The following TENT4A variants were observed in gnomAD, a reference collection of about 807,000 sequenced individuals.
TENT4A encodes terminal nucleotidyltransferase 4A.
Under a neutral mutation model 72.8 loss-of-function variants are expected in TENT4A, and 7 were observed. The ratio of observed to expected loss-of-function variants is 0.10; its 90% CI spans 0.05 to 0.18. The LOEUF is 0.18. Among genes scored for constraint, TENT4A ranks in the 10% least tolerant of loss-of-function variants. The pLI is 1.00. For missense variants in TENT4A, 831 were observed against 1,017.7 expected (o/e 0.82, Z 2.50); for synonymous variants, 456 against 434.3 (o/e 1.05, Z -0.62).
chr5:6,754,506 T>G (rs982744673), intron 12 of TENT4A, among the ~76,000 whole-genome samples: 2 of 152,158 alleles, frequency 1.3e-5, no homozygotes, highest in African/African-American at 4.8e-5. Context: ...GTGGAACAAG[T>G]TAGAAGTGAG....
At position 6,752,990 on chromosome 5, in the gene TENT4A, C is replaced by G. The variant is rs371319991; in HGVS notation, c.2137C>G (p.Pro713Ala). The change falls in exon 12 of 13, where the codon CCC becomes GCC. Residue 713 changes from proline to alanine, a missense_variant. Physicochemically the swap from Pro to Ala is conservative, Grantham distance 27 (BLOSUM62 -1). Around this residue, in one of 3 missense-constraint regions of TENT4A, gnomAD observed 332 missense variants for 324.3 expected, o/e 1.02. Coordinates refer to ENST00000230859, the MANE Select transcript of TENT4A (RefSeq NM_006999.6). ...AVHHMSSPAI[P>A]SASPNPLSSP... ...CCACCACATGTCTTCCCCGGCCATT[C>G]CCTCAGCGTCCCCCAACCCGCTCTC... 8.5e-5 allele frequency: 137 copies of G among 1,614,080 alleles called. No homozygotes were observed. In the Middle Eastern group the frequency reaches 9.9e-4, roughly 12 times the overall value.
intron 1 of TENT4A, 189 bp downstream of exon 1, chr5:6,714,888 C>T (rs1271481735): frequency 3.1e-5 from 9 of 286,464 alleles, no homozygotes; most frequent in Non-Finnish European, 1.9e-5. Context: ...GAGTGACTTG[C>T]CCAGATCCTA....
At chr5:6,753,760 T>G (rs41358745) in intron 12 of TENT4A, among the ~76,000 whole-genome samples, 3,187 of 152,364 alleles carry the variant, frequency 0.021, 37 homozygotes, top group Non-Finnish European at 0.029. Context: ...GCCAGTAAGT[T>G]TTTTATTCTT....
Position 6,746,235 on chromosome 5 carries a change from C to G in TENT4A, c.1267C>G (p.Arg423Gly), listed in dbSNP as rs138124674. 1 of 1,614,106 alleles carries G rather than the reference C, an allele frequency of 6.2e-7. No homozygotes were observed. The highest frequency in any genetic ancestry group is 1.7e-5 in the Admixed American group (1 of 60,028). The change falls in exon 7 of 13, where the codon CGG becomes GGG. Residue 423 changes from arginine (R) to glycine (G), a missense_variant. This residue lies in a region of TENT4A where 197 missense variants were observed against 399.6 expected (regional missense o/e 0.49). Transcript: ENST00000230859. ...ACAGTTGCATCCAAGAATTGATGCC[C>G]GGAGAGCTGATGAAAACCTTGGAAT... ...FLQLHPRIDA[R>G]RADENLGMLL...
intron 1 of TENT4A, among the ~76,000 whole-genome samples, chr5:6,728,452 C>T (rs1216083182): frequency 6.6e-6 from 1 of 152,212 alleles, no homozygotes; most frequent in Non-Finnish European, 1.5e-5. Context: ...AGAACGCCTT[C>T]CTCACAAAGC....
intron 1 of TENT4A, among the ~76,000 whole-genome samples, chr5:6,731,979 C>G (rs888233287): frequency 1.3e-5 from 2 of 152,236 alleles, no homozygotes; most frequent in African/African-American, 4.8e-5. Context: ...GTCCTGGCTT[C>G]TGGGCTATGA....
At chr5:6,742,712 G>A in intron 5 of TENT4A, 115 bp downstream of exon 5, 1 of 648,552 alleles carries the variant, frequency 1.5e-6, no homozygotes, top group Non-Finnish European at 2.8e-6. Context: ...TCGTAACACA[G>A]ACTACACTTA....
At chr5:6,754,446 G>C (rs1157583099) in intron 12 of TENT4A, among the ~76,000 whole-genome samples, 1 of 152,172 alleles carries the variant, frequency 6.6e-6, no homozygotes, top group African/African-American at 2.4e-5. Context: ...TGGAATTACA[G>C]GTGCAAGCCA....
chr5:6,750,936 C>A, intron 10 of TENT4A, 103 bp from the exon 11 acceptor site: 1 of 1,298,964 alleles, frequency 7.7e-7, no homozygotes, highest in South Asian at 1.4e-5. Flanking sequence ...AATAACCTTT[C>A]ATAGCCAGCC....
chr5:6,741,477 C>T (rs532253350), intron 4 of TENT4A, among the ~76,000 whole-genome samples: 1 of 152,322 alleles, frequency 6.6e-6, no homozygotes. Flanking sequence ...GGAAAGGAAG[C>T]TGCTTCCTAA....
At chr5:6,753,914 G>T (rs908799584) in intron 12 of TENT4A, among the ~76,000 whole-genome samples, 15 of 152,192 alleles carry the variant, frequency 9.9e-5, no homozygotes, top group African/African-American at 3.6e-4. Context: ...TTGCATTTTG[G>T]CTTTGCTTTC....
At chr5:6,749,989 G>A (rs1742308131) in intron 9 of TENT4A, among the ~76,000 whole-genome samples, 1 of 152,128 alleles carries the variant, frequency 6.6e-6, no homozygotes, top group South Asian at 2.1e-4. Flanking sequence ...TTTTATAGCT[G>A]TTTCTTGTAC....
At chr5:6,753,986 C>G (rs896132127) in intron 12 of TENT4A, among the ~76,000 whole-genome samples, 7 of 152,222 alleles carry the variant, frequency 4.6e-5, no homozygotes, top group Non-Finnish European at 1.0e-4. Context: ...TGTGTTCCCT[C>G]TCAGTCTGCT....
rs1272909342 is a variant in TENT4A at position 6,714,395 on chromosome 5, C to G, written c.412C>G (p.Leu138Val). The G allele has an allele frequency of 3.5e-6, 4 of 1,134,722 alleles. No individual in the cohort carries two copies. Among genetic ancestry groups the G allele is most frequent in the Non-Finnish European group, 3.2e-6 (3 of 926,968 alleles). The allele number at this position is 1,134,722 out of a possible 1,614,324, so 70.3% of individuals were successfully genotyped here. Residue 138 changes from leucine to valine, a missense_variant, in exon 1 of 13, where the codon CTG becomes GTG. This residue lies in a region of TENT4A where 302 missense variants were observed against 293.8 expected (regional missense o/e 1.03). Transcript: ENST00000230859. ...GTCGTCGTCCTCCAGCAGCGCCTCG[C>G]TGGGCCGGCCGGGCGGCGGCCGCGG... ...CSSSSSSSAS[L>V]GRPGGGRGGA...
Position 6,713,671 on chromosome 5 carries a change from G to C in TENT4A, c.-313G>C, listed in dbSNP as rs1471784347. On this transcript the variant is annotated 5_prime_UTR_variant, in exon 1 of 13. Transcript: ENST00000230859. ...ACGCCGCCGCCGCCGCGGCCCCCGC[G>C]CCCGCCCCGCGCCGCGTGAAGCGGG... 2 of 144,376 alleles carry C rather than the reference G, an allele frequency of 1.4e-5. No homozygotes were observed. Among genetic ancestry groups the C allele is most frequent in the Non-Finnish European group, 3.1e-5 (2 of 65,024 alleles). 8.9% of individuals were successfully genotyped at this position (144,376 alleles called of 1,614,324 possible). A position where few individuals can be genotyped will look rare whatever the true frequency, so the allele number is the denominator to read the frequency against.
chr5:6,713,785 C>A lies in TENT4A; in HGVS notation c.-199C>A, dbSNP rs183069399. Reference sequence around the variant, plus strand: ...CCGGGGCCCATCACCGCCGCCGCCGCCCCACGCCGGAGCCCGACGGGAGCG... The same window carrying A: ...CCGGGGCCCATCACCGCCGCCGCCGACCCACGCCGGAGCCCGACGGGAGCG... On this transcript the variant is annotated 5_prime_UTR_variant, in exon 1 of 13. Coordinates refer to ENST00000230859, the MANE Select transcript of TENT4A (RefSeq NM_006999.6). The A allele has an allele frequency of 0.29, 42,761 of 146,902 alleles. 6,689 individuals are homozygous for A. Among genetic ancestry groups the A allele is most frequent in the East Asian group, 0.4 (1,922 of 4,856 alleles). The allele number at this position is 146,902 out of a possible 1,614,324, so 9.1% of individuals were successfully genotyped here. A position where few individuals can be genotyped will look rare whatever the true frequency, so the allele number is the denominator to read the frequency against.
intron 1 of TENT4A, among the ~76,000 whole-genome samples, chr5:6,728,863 GA>G (rs1273204447): frequency 6.6e-6 from 1 of 152,172 alleles, no homozygotes; most frequent in Non-Finnish European, 1.5e-5. Flanking sequence ...AGAAAATTTG[GA>G]AAATACAGAA....
chr5:6,739,213 T>G (rs1741672636), intron 3 of TENT4A, among the ~76,000 whole-genome samples: 1 of 152,230 alleles, frequency 6.6e-6, no homozygotes, highest in Admixed American at 6.5e-5. Flanking sequence ...CAAATAAATT[T>G]CCTGTGCACT....
chr5:6,757,016 C>A lies in TENT4A; in HGVS notation c.*2071C>A, dbSNP rs1057265404. ...TATTTTTATGTAAAGTTTTTCTATT[C>A]TTTGATTTTTAATAAACTTTGGAAA... On this transcript the variant is annotated 3_prime_UTR_variant, in exon 13 of 13. Transcript: ENST00000230859. 1.4e-4 allele frequency: 21 copies of A among 152,428 alleles called. No homozygotes were observed. Among genetic ancestry groups the A allele is most frequent in the Non-Finnish European group, 3.1e-4 (21 of 67,986 alleles). The allele number at this position is 152,428 out of a possible 1,614,324, so 9.4% of individuals were successfully genotyped here.
Sources: gnomAD v4.1 joint callset for allele counts (sites outside exome capture counted in the v4.1 genomes callset) on GRCh38, gnomAD v4.1.1 for gene constraint, gnomAD v4.1.1 regional missense constraint, MANE v1.5 for transcripts, NCBI Gene and HGNC (gene_info 2026-07-23, HGNC 2026-07-21) for gene names.